HORMAD1: variants seen among roughly 807,000 people sequenced by gnomAD.
HORMAD1 encodes HORMA domain-containing protein 1.
In HORMAD1, 33 loss-of-function variants were observed where a neutral mutation model predicts 58.2. The ratio of observed to expected loss-of-function variants is 0.57; its 90% CI spans 0.43 to 0.76. HORMAD1 has a LOEUF of 0.76. Ranked by LOEUF, HORMAD1 falls within the 30% of genes least tolerant of loss-of-function variation. HORMAD1 has a pLI of 0.00. For missense variants in HORMAD1, 363 were observed against 462.0 expected (o/e 0.79, Z 1.96); for synonymous variants, 137 against 144.6 (o/e 0.95, Z 0.38).
In HORMAD1 at chr1:150,717,180, C is replaced by A; in HGVS notation, c.136G>T (p.Gly46Ter). ...CCATAAGCGCATTCTGGGAATATTC[C>A]CCTCAAATACGTGATACAGGATACT... ...VSVSCITYLR[G>*]IFPECAYGTR... Residue 46 changes from glycine (G) to a stop codon, truncating the protein, a stop_gained, in exon 3 of 15, where the codon GGA becomes TGA. Transcript: ENST00000361824. LOFTEE classifies it high-confidence loss of function. 6.3e-7 allele frequency: 1 copy of A among 1,587,778 alleles called. No homozygotes were observed. Among genetic ancestry groups the A allele is most frequent in the Non-Finnish European group, 8.6e-7 (1 of 1,163,460 alleles).
At chr1:150,711,980 G>T in intron 5 of HORMAD1, 127 bp from the exon 6 acceptor site, 1 of 687,798 alleles carries the variant, frequency 1.5e-6, no homozygotes. Flanking sequence ...TGCAGATCTT[G>T]ACTGCATAAG....
intron 8 of HORMAD1, among the ~76,000 whole-genome samples, chr1:150,708,663 T>C (rs1448090978): frequency 6.6e-6 from 1 of 152,258 alleles, no homozygotes; most frequent in Admixed American, 6.5e-5. Flanking sequence ...ATTATATTTC[T>C]ATATTTCTAA....
intron 13 of HORMAD1, among the ~76,000 whole-genome samples, chr1:150,701,414 C>G (rs1571065777): frequency 6.6e-6 from 1 of 152,162 alleles, no homozygotes; most frequent in East Asian, 1.9e-4. Flanking sequence ...GGGGAAGACA[C>G]TTAAAAATGG....
chr1:150,698,652 T>G lies in HORMAD1; in HGVS notation c.*2A>C. ...TGCAAGCCTGCAGAACAAAAATAAT[T>G]TTTATATATGTTCCTTTGGTTCACT... On this transcript the variant is annotated 3_prime_UTR_variant, in exon 15 of 15. Coordinates refer to ENST00000361824, the MANE Select transcript of HORMAD1 (RefSeq NM_032132.5). 1.3e-6 allele frequency: 2 copies of G among 1,516,670 alleles called. No homozygotes were observed. Among genetic ancestry groups the G allele is most frequent in the Non-Finnish European group, 1.8e-6 (2 of 1,095,178 alleles). The allele number at this position is 1,516,670 out of a possible 1,614,324, so 94.0% of individuals were successfully genotyped here. A position where few individuals can be genotyped will look rare whatever the true frequency, so the allele number is the denominator to read the frequency against.
intron 5 of HORMAD1, 70 bp from the exon 6 acceptor site, chr1:150,711,923 A>T: frequency 9.5e-7 from 1 of 1,047,886 alleles, no homozygotes; most frequent in Non-Finnish European, 1.4e-6. Flanking sequence ...GAATCATAAG[A>T]ATTCTTTGTC....
chr1:150,704,814 G>A (rs1199137470), intron 10 of HORMAD1, among the ~76,000 whole-genome samples: 2 of 152,088 alleles, frequency 1.3e-5, no homozygotes, highest in East Asian at 3.9e-4. Context: ...AGGCTGAGGT[G>A]GGCAGATCAC....
intron 5 of HORMAD1, among the ~76,000 whole-genome samples, chr1:150,712,791 C>T (rs1346059289): frequency 6.6e-6 from 1 of 152,202 alleles, no homozygotes; most frequent in Non-Finnish European, 1.5e-5. Flanking sequence ...AGGTGATCCA[C>T]GTGTCTTGGC....
intron 6 of HORMAD1, 117 bp from the exon 7 acceptor site, chr1:150,711,688 C>A: frequency 1.0e-6 from 1 of 963,064 alleles, no homozygotes; most frequent in Non-Finnish European, 1.6e-6. Context: ...AAATGACCAC[C>A]CAAAATATTA....
intron 7 of HORMAD1, 83 bp from the exon 8 acceptor site, chr1:150,709,044 C>T: frequency 1.4e-6 from 1 of 726,544 alleles, no homozygotes; most frequent in South Asian, 1.5e-5. Flanking sequence ...TATGACTCAA[C>T]ATTTAGTCAA....
intron 9 of HORMAD1, 77 bp from the exon 10 acceptor site, chr1:150,706,886 G>T (rs1238001599): frequency 2.5e-6 from 3 of 1,205,562 alleles, no homozygotes; most frequent in African/African-American, 1.5e-5. Context: ...AACACACGCA[G>T]ATTGCAGGTA....
In HORMAD1 at chr1:150,706,700, A is replaced by G. The variant is rs1268062712; in HGVS notation, c.657T>C (p.Phe219=). 2 of 1,613,758 alleles carry G rather than the reference A, an allele frequency of 1.2e-6. No individual in the cohort carries two copies. Among genetic ancestry groups the G allele is most frequent in the Middle Eastern group, 1.7e-4 (1 of 6,054 alleles). ...YLNVGEVSTP[F]HIFKVKVTTE... is the part of the protein sequence containing the mutation. Reference sequence around the variant, plus strand: ...TGGTCACTTTTACTTTGAAGATGTGAAAAGGTGTTGAGACTTCTCCCACAT... The same window carrying G: ...TGGTCACTTTTACTTTGAAGATGTGGAAAGGTGTTGAGACTTCTCCCACAT... Residue 219 remains phenylalanine, a synonymous_variant, in exon 10 of 15, where the codon TTT becomes TTC. Transcript: ENST00000361824.
chr1:150,720,444 C>CAA (rs1652216712), intron 1 of HORMAD1, among the ~76,000 whole-genome samples: 1 of 152,206 alleles, frequency 6.6e-6, no homozygotes, highest in African/African-American at 2.4e-5. Context: ...CGGCCTCAGC[C>CAA]GCCCAACTTG....
At position 150,714,650 on chromosome 1, in the gene HORMAD1, ATCTTCTCTCAGT is replaced by A; in HGVS notation, c.195_206del (p.Leu66_Asp69del). 1 of 1,434,296 alleles carries A rather than the reference ATCTTCTCTCAGT, an allele frequency of 7.0e-7. No individual in the cohort carries two copies. The highest frequency in any genetic ancestry group is 9.3e-7 in the Non-Finnish European group (1 of 1,073,322). The allele number at this position is 1,434,296 out of a possible 1,614,324, so 88.8% of individuals were successfully genotyped here. ...ACTGTGTAGATCCTGGGCAATTTTT[ATCTTCTCTCAGT>A]ATTTTGACACAAAGATCTAAACACA... On this transcript the variant is annotated inframe_deletion, in exon 4 of 15. Coordinates refer to ENST00000361824, the MANE Select transcript of HORMAD1 (RefSeq NM_032132.5).
intron 3 of HORMAD1, among the ~76,000 whole-genome samples, chr1:150,716,462 G>A (rs964170561): frequency 8.6e-5 from 13 of 151,352 alleles, no homozygotes; most frequent in African/African-American, 3.1e-4. Flanking sequence ...ACCCGGCCAG[G>A]ACCACATTTT....
At chr1:150,698,860 T>C in intron 14 of HORMAD1, 126 bp from the exon 15 acceptor site, 1 of 555,642 alleles carries the variant, frequency 1.8e-6, no homozygotes, top group Non-Finnish European at 3.2e-6. Context: ...ATACCTAGCA[T>C]AACTATATCT....
intron 7 of HORMAD1, among the ~76,000 whole-genome samples, chr1:150,710,425 A>C (rs1294922534): frequency 6.6e-6 from 1 of 152,250 alleles, no homozygotes; most frequent in South Asian, 2.1e-4. Flanking sequence ...ATATTCACAA[A>C]TGGGATAATT....
intron 8 of HORMAD1, 71 bp downstream of exon 8, chr1:150,708,823 G>A: frequency 7.4e-6 from 6 of 813,432 alleles, no homozygotes; most frequent in Non-Finnish European, 1.3e-5. Context: ...TGAATCCTGA[G>A]GTTTAGCTAT....
Position 150,698,452 on chromosome 1 carries a change from T to A in HORMAD1, c.*202A>T, listed in dbSNP as rs1301821636. 2.7e-6 allele frequency: 1 copy of A among 373,120 alleles called. No individual in the cohort carries two copies. The highest frequency in any genetic ancestry group is 4.8e-6 in the Non-Finnish European group (1 of 207,020). The allele number at this position is 373,120 out of a possible 1,614,324, so 23.1% of individuals were successfully genotyped here. On this transcript the variant is annotated 3_prime_UTR_variant, in exon 15 of 15. Transcript: ENST00000361824. ...ATTACCGAATCAATTATGACATTTGTACTTTTGCTTTTATTCAAAAGTTCT... is the reference window on the plus strand; with the variant it reads ...ATTACCGAATCAATTATGACATTTGAACTTTTGCTTTTATTCAAAAGTTCT...
chr1:150,700,200 T>A lies in HORMAD1; in HGVS notation c.1033-17A>T. The A allele has an allele frequency of 7.4e-7, 1 of 1,356,176 alleles. No individual in the cohort carries two copies. The highest frequency in any genetic ancestry group is 1.4e-5 in the African/African-American group (1 of 70,080). The allele number at this position is 1,356,176 out of a possible 1,614,324, so 84.0% of individuals were successfully genotyped here. On this transcript the variant is annotated splice_polypyrimidine_tract_variant and intron_variant, in intron 13 of 14. Transcript: ENST00000361824. ...TCCATTTGCCTCCACAAAGATAGAATAATTACTAATTGGTTATTTCTCAAA... is the reference window on the plus strand; with the variant it reads ...TCCATTTGCCTCCACAAAGATAGAAAAATTACTAATTGGTTATTTCTCAAA...
Sources: gnomAD v4.1 joint callset for allele counts (sites outside exome capture counted in the v4.1 genomes callset) on GRCh38, gnomAD v4.1.1 for gene constraint, MANE v1.5 for transcripts, NCBI Gene and HGNC (gene_info 2026-07-23, HGNC 2026-07-21) for gene names.